The following TBL1X variants were observed in gnomAD, a reference collection of about 807,000 sequenced individuals.
TBL1X encodes the protein transducin beta like 1 X-linked.
Under a neutral mutation model 50.7 loss-of-function variants are expected in TBL1X, and 10 were observed. That is an observed-to-expected ratio of 0.20 (90% CI 0.12 to 0.33). The LOEUF is 0.33. Among genes scored for constraint, TBL1X ranks in the 10% least tolerant of loss-of-function variants. The pLI is 1.00. For missense variants in TBL1X, 340 were observed against 504.4 expected (o/e 0.67, Z 3.12); for synonymous variants, 190 against 214.7 (o/e 0.88, Z 1.01).
At chrX:9,580,942 T>A (rs765303100) in intron 2 of TBL1X, among the ~76,000 whole-genome samples, 1 of 111,560 alleles carries the variant, frequency 9.0e-6, no homozygotes, top group East Asian at 2.8e-4. Flanking sequence ...CTGGAGGGGC[T>A]TAATGAGGCA....
chrX:9,546,342 A>G lies in TBL1X; in HGVS notation c.-131+44493A>G, dbSNP rs762693293. Among the ~76,000 whole-genome samples the G allele has an allele frequency of 1.4e-4, 16 of 111,582 alleles. No individual in the cohort carries two copies. The East Asian group carries it at 4.2e-3, about 29-fold the overall frequency. On this transcript the variant is annotated intron_variant, in intron 2 of 17. Transcript: ENST00000645353. The stretch of plus-strand genomic sequence containing the variant: ...ATCCTGGCTAACACAGTGAAACCCC[A>G]TTTCTACTAAAAGTACAAAAAATTA...
At chrX:9,540,871 T>C in intron 2 of TBL1X, among the ~76,000 whole-genome samples, 1 of 112,205 alleles carries the variant, frequency 8.9e-6, no homozygotes, top group Non-Finnish European at 1.9e-5. Flanking sequence ...AATCCCTCTT[T>C]TATTGTCTTT....
At position 9,693,241 on chromosome X, in the gene TBL1X, C is replaced by T. The variant is rs202095870; in HGVS notation, c.955+29C>T. The stretch of plus-strand genomic sequence containing the variant: ...AGTTCTGTGTCCCTCGTGCTGGGGT[C>T]GGGTAAGAGGAGCTGCCGAACTTAA... On this transcript the variant is annotated intron_variant, in intron 10 of 17. Coordinates refer to ENST00000645353, the MANE Select transcript of TBL1X (RefSeq NM_005647.4). 16 of 1,208,183 alleles carry T rather than the reference C, an allele frequency of 1.3e-5. No homozygotes were observed. In the East Asian group the frequency reaches 4.2e-4, roughly 31 times the overall value.
At chrX:9,609,543 G>C (rs73632605) in intron 2 of TBL1X, among the ~76,000 whole-genome samples, 7,522 of 110,884 alleles carry the variant, frequency 0.068, 246 homozygotes, top group Middle Eastern at 0.13. Context: ...TCTCTTTCAT[G>C]AAGTACATGT....
intron 2 of TBL1X, among the ~76,000 whole-genome samples, chrX:9,632,445 T>C (rs1244687016): frequency 2.7e-5 from 3 of 111,174 alleles, no homozygotes; most frequent in Non-Finnish European, 5.7e-5. Context: ...AACACCCAGC[T>C]AACTTTTTTG....
At chrX:9,541,984 GTC>G (rs1281232312) in intron 2 of TBL1X, among the ~76,000 whole-genome samples, 5 of 86,435 alleles carry the variant, frequency 5.8e-5, no homozygotes, top group Non-Finnish European at 1.1e-4. Context: ...TTCATAGATT[GTC>G]TCTTCCTCTG....
chrX:9,674,679 A>AACCCCCCCCCCCC (rs1569094481), intron 5 of TBL1X, among the ~76,000 whole-genome samples: 1 of 1,053 alleles, frequency 9.5e-4, no homozygotes, highest in Non-Finnish European at 1.8e-3. Flanking sequence ...CTCCCGCCTC[A>AACCCCCCCCCCCC]GCCCCCCCCC....
intron 5 of TBL1X, among the ~76,000 whole-genome samples, chrX:9,675,188 G>A (rs2082986028): frequency 8.9e-6 from 1 of 111,954 alleles, no homozygotes; most frequent in South Asian, 3.7e-4. Flanking sequence ...TGCTATCTGA[G>A]CTGGATTTGA....
At chrX:9,677,453 G>A (rs1287292206) in intron 5 of TBL1X, among the ~76,000 whole-genome samples, 1 of 109,541 alleles carries the variant, frequency 9.1e-6, no homozygotes, top group Non-Finnish European at 1.9e-5. Context: ...AACAACCAAA[G>A]TTGTTTACCT....
At chrX:9,683,249 A>G (rs1387484562) in intron 5 of TBL1X, among the ~76,000 whole-genome samples, 1 of 111,793 alleles carries the variant, frequency 8.9e-6, no homozygotes, top group Non-Finnish European at 1.9e-5. Context: ...GGCGCCATCC[A>G]CAAGAGCAAG....
intron 2 of TBL1X, among the ~76,000 whole-genome samples, chrX:9,624,082 G>A (rs1214843742): frequency 8.9e-6 from 1 of 112,354 alleles, no homozygotes; most frequent in Non-Finnish European, 1.9e-5. Context: ...GTATAGTGGA[G>A]GAACCAAACT....
intron 11 of TBL1X, among the ~76,000 whole-genome samples, chrX:9,693,659 T>C (rs2083112948): frequency 9.0e-6 from 1 of 111,359 alleles, no homozygotes; most frequent in Non-Finnish European, 1.9e-5. Flanking sequence ...TTATTTGAGG[T>C]ACATGGTTCA....
chrX:9,508,982 GCTA>G (rs1173000493), intron 2 of TBL1X, among the ~76,000 whole-genome samples: 1 of 110,588 alleles, frequency 9.0e-6, no homozygotes, highest in Non-Finnish European at 1.9e-5. Context: ...TAGGGATGGT[GCTA>G]CTAATTAGGT....
intron 2 of TBL1X, among the ~76,000 whole-genome samples, chrX:9,583,442 T>G (rs1421616922): frequency 1.8e-5 from 2 of 112,541 alleles, no homozygotes; most frequent in Non-Finnish European, 3.8e-5. Flanking sequence ...CCTGTTTCTT[T>G]CGTGCTCATG....
chrX:9,588,142 A>G (rs141447412), intron 2 of TBL1X, among the ~76,000 whole-genome samples: 14 of 112,520 alleles, frequency 1.2e-4, no homozygotes, highest in African/African-American at 4.5e-4. Flanking sequence ...CATAACAGAT[A>G]TTTACATGAC....
chrX:9,619,694 T>C (rs1354274363), intron 2 of TBL1X, among the ~76,000 whole-genome samples: 2 of 112,260 alleles, frequency 1.8e-5, no homozygotes, highest in Non-Finnish European at 3.8e-5. Flanking sequence ...CTGAGTGAAA[T>C]GGGGCTGGGA....
At chrX:9,628,363 G>A (rs925900800) in intron 2 of TBL1X, among the ~76,000 whole-genome samples, 3 of 111,147 alleles carry the variant, frequency 2.7e-5, no homozygotes, top group Admixed American at 9.5e-5. Flanking sequence ...ATTGTCCAAT[G>A]TCCCCTGGGG....
At chrX:9,679,396 T>G (rs1309020001) in intron 5 of TBL1X, among the ~76,000 whole-genome samples, 1 of 110,989 alleles carries the variant, frequency 9.0e-6, no homozygotes, top group Non-Finnish European at 1.9e-5. Context: ...CATGCTGTGC[T>G]TGAGAAGCCC....
At chrX:9,684,598 T>TTAA (rs746186550) in intron 6 of TBL1X, among the ~76,000 whole-genome samples, 4 of 51,271 alleles carry the variant, frequency 7.8e-5, no homozygotes, top group African/African-American at 3.3e-4. Context: ...TCTCTAAAAT[T>TTAA]AAAAAAAAAA....
Sources: allele counts gnomAD v4.1 joint callset (sites outside exome capture counted in the v4.1 genomes callset), GRCh38; gene constraint gnomAD v4.1.1; transcripts MANE v1.5; gene names NCBI Gene and HGNC (gene_info 2026-07-23, HGNC 2026-07-21).